The following PARVB variants were observed in gnomAD, a reference collection of about 807,000 sequenced individuals.
The protein encoded by PARVB is beta-parvin.
Under a neutral mutation model 47.0 loss-of-function variants are expected in PARVB, and 46 were observed. The ratio of observed to expected loss-of-function variants is 0.98; its 90% CI spans 0.77 to 1.25. The LOEUF (loss-of-function observed/expected upper bound fraction) is 1.25. PARVB is among the 50% of genes most tolerant of loss of function. PARVB has a pLI of 0.00. For synonymous variants in PARVB, 196 were observed against 196.3 expected, an observed-to-expected ratio of 1.00 and a Z score of 0.01; for missense variants, 473 against 471.6, an observed-to-expected ratio of 1.00 and a Z score of -0.03.
chr22:44,081,461 T>G (rs1041094508), intron 1 of PARVB: 1 of 261,720 alleles, frequency 3.8e-6, no homozygotes, highest in Non-Finnish European at 5.9e-6. Flanking sequence ...GACTTAATGA[T>G]TTAATCTTCT....
At chr22:44,026,650 C>T (rs2050734872) in intron 1 of PARVB, among the ~76,000 whole-genome samples, 3 of 152,228 alleles carry the variant, frequency 2.0e-5, no homozygotes, top group South Asian at 4.1e-4. Context: ...CTGGCCCTGA[C>T]TTTGGGCCGT....
intron 1 of PARVB, among the ~76,000 whole-genome samples, chr22:44,029,308 G>A (rs1255074611): frequency 1.3e-5 from 2 of 152,114 alleles, no homozygotes. Context: ...AAATCTGCTT[G>A]TTTGTTTCCT....
intron 1 of PARVB, among the ~76,000 whole-genome samples, chr22:44,030,796 G>A (rs1291009147): frequency 1.3e-5 from 2 of 152,126 alleles, no homozygotes; most frequent in African/African-American, 4.8e-5. Flanking sequence ...TCTTTTGGAC[G>A]ATTTTTCAGA....
chr22:44,005,245 G>A (rs141348002), intron 2 of PARVB, among the ~76,000 whole-genome samples: 2 of 150,498 alleles, frequency 1.3e-5, no homozygotes, highest in Non-Finnish European at 3.0e-5. Context: ...GACTATAGGC[G>A]TGTGCCACCG....
chr22:44,118,222 C>T (rs371072778), intron 3 of PARVB, among the ~76,000 whole-genome samples: 3 of 152,114 alleles, frequency 2.0e-5, no homozygotes, highest in East Asian at 3.9e-4. Flanking sequence ...TATGATTCAG[C>T]GTAGGCACGA....
chr22:44,019,168 C>T (rs541156868), intron 2 of PARVB, among the ~76,000 whole-genome samples: 34 of 152,170 alleles, frequency 2.2e-4, no homozygotes, highest in African/African-American at 5.8e-4. Context: ...CTGCCCGCCT[C>T]GGCCTCCCAA....
chr22:44,143,175 G>A (rs1187061586), intron 8 of PARVB: 3 of 152,680 alleles, frequency 2.0e-5, no homozygotes, highest in African/African-American at 7.2e-5. Context: ...GGCCTCCACT[G>A]GCTCTCCTCC....
intron 1 of PARVB, among the ~76,000 whole-genome samples, chr22:44,039,590 A>G (rs965553215): frequency 1.3e-5 from 2 of 152,150 alleles, no homozygotes; most frequent in Non-Finnish European, 2.9e-5. Flanking sequence ...ACTCTTGTAC[A>G]GGAATGTTCA....
chr22:44,031,315 AT>A (rs1239233793), intron 1 of PARVB: 2 of 152,120 alleles, frequency 1.3e-5, no homozygotes, highest in African/African-American at 2.4e-5. Flanking sequence ...GCTCAGCTAC[AT>A]TTCCTTTGAT....
At chr22:44,131,682 CAT>C in intron 5 of PARVB, 55 bp downstream of exon 5, 1 of 1,523,138 alleles carries the variant, frequency 6.6e-7, no homozygotes, top group Non-Finnish European at 8.8e-7. Context: ...GTCCTCTCGA[CAT>C]TCGTCATCCA....
At chr22:44,072,794 T>A (rs891364915) in intron 1 of PARVB, among the ~76,000 whole-genome samples, 6 of 152,058 alleles carry the variant, frequency 3.9e-5, no homozygotes, top group Non-Finnish European at 7.4e-5. Flanking sequence ...TGCTACAGGA[T>A]AGCCCAGAAG....
intron 1 of PARVB, among the ~76,000 whole-genome samples, chr22:44,056,918 G>A (rs1471575300): frequency 7.0e-6 from 1 of 143,562 alleles, no homozygotes; most frequent in Non-Finnish European, 1.5e-5. Flanking sequence ...AGAGGCTTGG[G>A]ACCGAGCTGG....
intron 1 of PARVB, among the ~76,000 whole-genome samples, chr22:44,074,910 G>A (rs1429258737): frequency 5.9e-5 from 9 of 152,252 alleles, no homozygotes; most frequent in African/African-American, 2.2e-4. Context: ...GAGCCCAGTG[G>A]GCTCTGGGAG....
At position 44,089,863 on chromosome 22, in the gene PARVB, G is replaced by A. The variant is rs898861625; in HGVS notation, c.113-4065G>A. ...TCCACTGCACTCTGCAAAGAGCCCC[G>A]AAGGCCCTTTCCTTAGCCTGGCCAT... On this transcript the variant is annotated intron_variant, in intron 1 of 12. Transcript: ENST00000338758. The surrounding 1 kb of genome is among the most constrained non-coding windows in gnomAD (Gnocchi z 4.0). Among the ~76,000 whole-genome samples, 1 of 152,176 alleles carries A rather than the reference G, an allele frequency of 6.6e-6. No individual in the cohort carries two copies. Among genetic ancestry groups the A allele is most frequent in the Non-Finnish European group, 1.5e-5 (1 of 68,022 alleles).
intron 1 of PARVB, among the ~76,000 whole-genome samples, chr22:44,030,667 G>A (rs2050809756): frequency 6.6e-6 from 1 of 152,132 alleles, no homozygotes; most frequent in African/African-American, 2.4e-5. Context: ...GGGCGCAGGC[G>A]TGGCTGTGAT....
chr22:44,055,815 G>A (rs565784020), intron 1 of PARVB, among the ~76,000 whole-genome samples: 4 of 152,164 alleles, frequency 2.6e-5, no homozygotes, highest in Non-Finnish European at 5.9e-5. Context: ...GGAGACCCAC[G>A]TCCCAGCTGA....
chr22:44,082,812 C>T (rs371188479), intron 1 of PARVB, among the ~76,000 whole-genome samples: 12 of 152,142 alleles, frequency 7.9e-5, no homozygotes, highest in Non-Finnish European at 1.5e-4. Flanking sequence ...AAGAAAAGAC[C>T]GTGTTTCTGG....
intron 4 of PARVB, among the ~76,000 whole-genome samples, chr22:44,123,798 G>T (rs1251431883): frequency 6.6e-6 from 1 of 152,164 alleles, no homozygotes; most frequent in Non-Finnish European, 1.5e-5. Context: ...CCCAAAGTGT[G>T]GGGTTTATAG....
rs2054244614 is a variant in PARVB, at chr22:44,169,543, T to C, written c.*865T>C. The stretch of plus-strand genomic sequence containing the variant: ...AAATGAGGGGGGTGCATTGGTTCAC[T>C]GGCACTGTGTAGTAAAGTGCCACAG... On this transcript the variant is annotated 3_prime_UTR_variant, in exon 13 of 13. Transcript: ENST00000338758. 6.7e-6 allele frequency: 1 copy of C among 150,096 alleles called. No homozygotes were observed. The highest frequency in any genetic ancestry group is 2.5e-5 in the African/African-American group (1 of 39,410). 9.3% of individuals were successfully genotyped at this position (150,096 alleles called of 1,614,324 possible). A position where few individuals can be genotyped will look rare whatever the true frequency, so the allele number is the denominator to read the frequency against.
Sources: gnomAD v4.1 joint callset for allele counts (sites outside exome capture counted in the v4.1 genomes callset) on GRCh38, gnomAD v4.1.1 for gene constraint, Gnocchi (gnomAD v3.1) non-coding constraint, MANE v1.5 for transcripts, NCBI Gene and HGNC (gene_info 2026-07-23, HGNC 2026-07-21) for gene names.